The following SATB2 variants were observed in gnomAD, a reference collection of about 807,000 sequenced individuals.
SATB2 encodes the protein SATB homeobox 2, also known as DNA-binding protein SATB2.
A neutral mutation model predicts 73.4 loss-of-function variants in SATB2; 1 was observed. That is an observed-to-expected ratio of 0.01 (90% CI 0.00 to 0.06). The LOEUF (loss-of-function observed/expected upper bound fraction) is 0.06. Ranked by LOEUF, SATB2 falls within the 10% of genes least tolerant of loss-of-function variation. The probability of loss-of-function intolerance (pLI) is 1.00; values close to 1 mark genes in which losing one functional copy is unlikely to be tolerated. For missense variants in SATB2, 459 were observed against 945.8 expected, an observed-to-expected ratio of 0.49 and a Z score of 6.75; for synonymous variants, 397 against 367.0, an observed-to-expected ratio of 1.08 and a Z score of -0.93.
intron 3 of SATB2, among the ~76,000 whole-genome samples, chr2:199,383,701 A>G (rs1452475028): frequency 6.6e-6 from 1 of 152,196 alleles, no homozygotes; most frequent in Non-Finnish European, 1.5e-5. Flanking sequence ...AAAGGACCCT[A>G]CAAGCTTCAA....
upstream of SATB2, among the ~76,000 whole-genome samples, chr2:199,462,312 C>G (rs1019930059): frequency 6.6e-6 from 1 of 152,174 alleles, no homozygotes; most frequent in Non-Finnish European, 1.5e-5. The surrounding 1 kb of genome is among the most constrained non-coding windows in gnomAD (Gnocchi z 5.9). Context: ...CCCACGCCAG[C>G]TCTGAAGCCA....
intron 2 of SATB2, among the ~76,000 whole-genome samples, chr2:199,436,147 T>C (rs1303910875): frequency 5.3e-5 from 8 of 152,176 alleles, no homozygotes. Context: ...TCTCCATTAC[T>C]TAGAAACTAT....
intron 3 of SATB2, among the ~76,000 whole-genome samples, chr2:199,382,727 T>C (rs1031230307): frequency 9.2e-5 from 14 of 152,138 alleles, no homozygotes; most frequent in African/African-American, 3.4e-4. Context: ...ATTTCACATA[T>C]GACACAGGGT....
intron 3 of SATB2, among the ~76,000 whole-genome samples, chr2:199,420,864 G>A (rs1244428541): frequency 6.6e-6 from 1 of 151,678 alleles, no homozygotes; most frequent in Admixed American, 6.6e-5. Context: ...ATGAAACATT[G>A]GTTTCATAAC....
At chr2:199,459,424 C>A (rs1412537658), upstream of SATB2, among the ~76,000 whole-genome samples, 1 of 152,160 alleles carries the variant, frequency 6.6e-6, no homozygotes, top group Non-Finnish European at 1.5e-5. The surrounding 1 kb of genome is among the most constrained non-coding windows in gnomAD (Gnocchi z 4.2). Flanking sequence ...TTTGTCCCTG[C>A]GATTCCGCTT....
intron 3 of SATB2, among the ~76,000 whole-genome samples, chr2:199,424,945 T>C (rs1314918010): frequency 6.6e-6 from 1 of 152,222 alleles, no homozygotes. Context: ...AACGAATGTG[T>C]TTTTTACCAA....
chr2:199,370,802 T>C (rs1689422575), intron 5 of SATB2, among the ~76,000 whole-genome samples: 1 of 152,126 alleles, frequency 6.6e-6, no homozygotes, highest in South Asian at 2.1e-4. Context: ...GCAGGTCCTA[T>C]ATTTCATATA....
chr2:199,356,787 T>C (rs1688998138), intron 6 of SATB2, among the ~76,000 whole-genome samples: 1 of 152,142 alleles, frequency 6.6e-6, no homozygotes, highest in African/African-American at 2.4e-5. Flanking sequence ...TATAAGAATT[T>C]TCATATTTTT....
intron 9 of SATB2, among the ~76,000 whole-genome samples, chr2:199,312,424 A>G (rs1011181053): frequency 6.6e-6 from 1 of 152,162 alleles, no homozygotes; most frequent in Non-Finnish European, 1.5e-5. Flanking sequence ...GTCTGGTAAA[A>G]CTAGGACTGA....
upstream of SATB2, among the ~76,000 whole-genome samples, chr2:199,459,334 G>A (rs968049980): frequency 3.9e-5 from 6 of 152,154 alleles, no homozygotes; most frequent in East Asian, 9.8e-4. The surrounding 1 kb of genome is among the most constrained non-coding windows in gnomAD (Gnocchi z 4.2). Context: ...GGCCGCGGCC[G>A]CCGGCAGCCC....
At chr2:199,321,308 T>A (rs140263406) in intron 9 of SATB2, among the ~76,000 whole-genome samples, 2 of 151,826 alleles carry the variant, frequency 1.3e-5, no homozygotes, top group South Asian at 4.1e-4. Flanking sequence ...GACATATATA[T>A]ACACGTCTAT....
intron 10 of SATB2, among the ~76,000 whole-genome samples, chr2:199,297,484 C>G (rs1457836644): frequency 6.6e-6 from 1 of 152,144 alleles, no homozygotes; most frequent in Non-Finnish European, 1.5e-5. Context: ...GTCCTGGGAT[C>G]ACAGCAAGTT....
At position 199,290,083 on chromosome 2, in the gene SATB2, C is replaced by A. The variant is rs147775632; in HGVS notation, c.1741-17411G>T. On this transcript the variant is annotated intron_variant, in intron 10 of 10. Coordinates refer to ENST00000417098, the MANE Select transcript of SATB2 (RefSeq NM_001172509.2). The stretch of plus-strand genomic sequence containing the variant: ...GCCCCTGCTGGTCCTTGCTCCCCAG[C>A]CCCTGCCTTGCAGGCTGTGCTCCAA... Among the ~76,000 whole-genome samples, 734 of 152,324 alleles carry A rather than the reference C, an allele frequency of 4.8e-3. 3 individuals are homozygous for A. The highest frequency in any genetic ancestry group is 0.017 in the African/African-American group (702 of 41,566).
At chr2:199,443,676 A>G (rs1691885910) in intron 2 of SATB2, among the ~76,000 whole-genome samples, 2 of 152,198 alleles carry the variant, frequency 1.3e-5, no homozygotes, top group Non-Finnish European at 2.9e-5. Flanking sequence ...TGCAGATTTC[A>G]CAAAGCCGAG....
intron 5 of SATB2, among the ~76,000 whole-genome samples, chr2:199,371,784 A>G (rs1559010629): frequency 6.6e-6 from 1 of 152,306 alleles, no homozygotes; most frequent in East Asian, 1.9e-4. Flanking sequence ...AATGCAACCA[A>G]CTCGAGTATC....
chr2:199,275,488 AT>A (rs11287040), intron 10 of SATB2, among the ~76,000 whole-genome samples: 138,199 of 152,074 alleles, frequency 0.91, 64,281 homozygotes, highest in Non-Finnish European at 1. Flanking sequence ...TGCTATTTGG[AT>A]TCAAGATTGA....
chr2:199,435,362 C>CTT (rs756333310), intron 2 of SATB2, among the ~76,000 whole-genome samples: 4 of 145,942 alleles, frequency 2.7e-5, no homozygotes, highest in African/African-American at 5.0e-5. Flanking sequence ...TTCAAATTAT[C>CTT]TTTTTTTTTT....
chr2:199,404,774 T>C (rs562117984), intron 3 of SATB2, among the ~76,000 whole-genome samples: 1 of 152,254 alleles, frequency 6.6e-6, no homozygotes, highest in African/African-American at 2.4e-5. Context: ...CAAAGTATTA[T>C]ATCACATTGA....
intron 3 of SATB2, among the ~76,000 whole-genome samples, chr2:199,413,576 C>T (rs779479109): frequency 6.8e-5 from 10 of 146,782 alleles, no homozygotes; most frequent in African/African-American, 1.8e-4. Flanking sequence ...ACTAGAGAGT[C>T]GCTTTTTTTT....
Sources: gnomAD v4.1 joint callset for allele counts (sites outside exome capture counted in the v4.1 genomes callset) on GRCh38, gnomAD v4.1.1 for gene constraint, Gnocchi (gnomAD v3.1) non-coding constraint, MANE v1.5 for transcripts, NCBI Gene and HGNC (gene_info 2026-07-23, HGNC 2026-07-21) for gene names.